APBB1: variants seen among roughly 807,000 people sequenced by gnomAD.
APBB1 encodes amyloid beta precursor protein binding family B member 1.
A neutral mutation model predicts 78.4 loss-of-function variants in APBB1; 22 were observed. The observed-to-expected ratio is 0.28, with a 90% CI of 0.20 to 0.40. The LOEUF (loss-of-function observed/expected upper bound fraction) is 0.40. Ranked by LOEUF, APBB1 falls within the 10% of genes least tolerant of loss-of-function variation. APBB1 has a pLI of 1.00. For missense variants in APBB1, 749 were observed against 932.4 expected, an observed-to-expected ratio of 0.80 and a Z score of 2.56; for synonymous variants, 369 against 372.7, an observed-to-expected ratio of 0.99 and a Z score of 0.12.
rs374571987 is a variant in APBB1 at position 6,403,595 on chromosome 11, G to A, written c.898-51C>T. ...GTGAGTGTCCTATCCTACTCCAGCAGCACACACTCCCTCCACCCCTGGCCC... is the reference window on the plus strand; with the variant it reads ...GTGAGTGTCCTATCCTACTCCAGCAACACACACTCCCTCCACCCCTGGCCC... On this transcript the variant is annotated intron_variant, in intron 3 of 14. Coordinates refer to ENST00000609360, the MANE Select transcript of APBB1 (RefSeq NM_001164.5). The surrounding 1 kb of genome is among the most constrained non-coding windows in gnomAD (Gnocchi z 5.3). 2 of 1,613,572 alleles carry A rather than the reference G, an allele frequency of 1.2e-6. No individual in the cohort carries two copies. Among genetic ancestry groups the A allele is most frequent in the East Asian group, 2.2e-5 (1 of 44,878 alleles).
chr11:6,413,151 C>T (rs1434794988), intron 1 of APBB1, among the ~76,000 whole-genome samples: 1 of 152,120 alleles, frequency 6.6e-6, no homozygotes. Flanking sequence ...CCCTGACCAA[C>T]CACTGCCCAC....
chr11:6,409,162 T>C (rs1335810744), intron 2 of APBB1, among the ~76,000 whole-genome samples: 1 of 152,130 alleles, frequency 6.6e-6, no homozygotes, highest in East Asian at 1.9e-4. Flanking sequence ...CTCGACTTTC[T>C]TGGGTTCGGA....
Position 6,403,577 on chromosome 11 carries a change from T to C in APBB1, c.898-33A>G, listed in dbSNP as rs770767032. ...GAGGGATGGGAGTAGTGAGTGAGTG[T>C]CCTATCCTACTCCAGCAGCACACAC... On this transcript the variant is annotated intron_variant, in intron 3 of 14. Transcript: ENST00000609360. The surrounding 1 kb of genome is among the most constrained non-coding windows in gnomAD (Gnocchi z 5.3). 6.8e-6 allele frequency: 11 copies of C among 1,613,594 alleles called. No individual in the cohort carries two copies. The highest frequency in any genetic ancestry group is 8.5e-6 in the Non-Finnish European group (10 of 1,179,656).
intron 2 of APBB1, among the ~76,000 whole-genome samples, chr11:6,410,287 T>C (rs1449171092): frequency 6.6e-6 from 1 of 152,218 alleles, no homozygotes; most frequent in Non-Finnish European, 1.5e-5. Context: ...ATCTGTAATA[T>C]GGGAATCATC....
intron 2 of APBB1, among the ~76,000 whole-genome samples, chr11:6,409,651 C>A (rs577980572): frequency 6.8e-6 from 1 of 146,308 alleles, no homozygotes; most frequent in Non-Finnish European, 1.5e-5. Context: ...GGTATTGTGT[C>A]CGCCACCTGG....
intron 2 of APBB1, among the ~76,000 whole-genome samples, chr11:6,406,394 T>C (rs1848800684): frequency 6.9e-6 from 1 of 144,226 alleles, no homozygotes; most frequent in Non-Finnish European, 1.5e-5. Context: ...GGCTACTAGC[T>C]TTTTTTTTTT....
chr11:6,399,894 C>A (rs1288000620), intron 12 of APBB1, among the ~76,000 whole-genome samples: 2 of 151,874 alleles, frequency 1.3e-5, no homozygotes, highest in Admixed American at 6.6e-5. Context: ...TCCCCCATCC[C>A]ACCCCCACCT....
rs1431313314 is a variant in APBB1, at chr11:6,403,407, T to C, written c.955-3A>G. 3.1e-6 allele frequency: 5 copies of C among 1,614,084 alleles called. No homozygotes were observed. The highest frequency in any genetic ancestry group is 1.1e-5 in the South Asian group (1 of 91,096). On this transcript the variant is annotated splice_region_variant and splice_polypyrimidine_tract_variant and intron_variant, in intron 4 of 14. Transcript: ENST00000609360. The surrounding 1 kb of genome is among the most constrained non-coding windows in gnomAD (Gnocchi z 5.3). ...GGGGCCTCATCACTGGGTTCATCCT[T>C]GGGAAGGGGATTGAGGAATCAGTAT...
Position 6,401,121 on chromosome 11 carries a change from C to G in APBB1, c.1589-49G>C, listed in dbSNP as rs764159848. On this transcript the variant is annotated intron_variant, in intron 11 of 14. Transcript: ENST00000609360. This position sits in a 1 kb window ranked among gnomAD's most constrained non-coding sequence, Gnocchi z 4.5. ...ATCATGGTGGCAGACCTTGCTCACC[C>G]GCAGCCCCACCAGCAGGGCATAAGC... The G allele has an allele frequency of 1.9e-6, 3 of 1,614,046 alleles. No homozygotes were observed.
intron 2 of APBB1, 45 bp downstream of exon 2, chr11:6,410,582 G>A (rs781284508): frequency 2.8e-5 from 41 of 1,486,226 alleles, no homozygotes; most frequent in Middle Eastern, 1.9e-4. Context: ...CCTAACCTCT[G>A]CCCTCACACC....
chr11:6,411,318 C>G lies in APBB1; in HGVS notation c.30G>C (p.Ser10=). Residue 10 remains serine (S), a synonymous_variant, in exon 2 of 15, where the codon TCG becomes TCC. Transcript: ENST00000609360. The surrounding 1 kb of genome is among the most constrained non-coding windows in gnomAD (Gnocchi z 5.2). The stretch of plus-strand genomic sequence containing the variant: ...CTCCGTGGCTGTTGGCATTAATGGC[C>G]GACTGGCTCAGTGATGATGGAACAG... MSVPSSLSQ[S]AINANSHGGP... The G allele has an allele frequency of 2.6e-6, 4 of 1,552,736 alleles. No homozygotes were observed. Among genetic ancestry groups the G allele is most frequent in the Non-Finnish European group, 3.5e-6 (4 of 1,150,232 alleles).
Position 6,395,180 on chromosome 11 carries a change from A to AG in APBB1, c.*353dup, listed in dbSNP as rs530932169. ...AATACAGCAGAGGTGCCCATGGAGC[A>AG]GGGGGAAGGGACCCATGCCTGGACC... On this transcript the variant is annotated 3_prime_UTR_variant, in exon 15 of 15. Transcript: ENST00000609360. This position sits in a 1 kb window ranked among gnomAD's most constrained non-coding sequence, Gnocchi z 5.2. 5.7e-4 allele frequency: 143 copies of AG among 250,282 alleles called. No individual in the cohort carries two copies. Among genetic ancestry groups the AG allele is most frequent in the African/African-American group, 3.1e-3 (140 of 44,646 alleles). 15.5% of individuals were successfully genotyped at this position (250,282 alleles called of 1,614,324 possible).
At chr11:6,404,866 C>T (rs917614158) in intron 2 of APBB1, 2 of 1,528,398 alleles carry the variant, frequency 1.3e-6, no homozygotes, top group South Asian at 1.2e-5. Context: ...GCCAGCTGGG[C>T]TCACAGCCTG....
chr11:6,395,943 T>G lies in APBB1; in HGVS notation c.1808A>C (p.Glu603Ala), dbSNP rs1225267579. Residue 603 changes from glutamate to alanine, a missense_variant, in exon 14 of 15, where the codon GAG becomes GCG. This residue lies in a region of APBB1 where 18 missense variants were observed against 51.4 expected (regional missense o/e 0.35). Transcript: ENST00000609360. This position sits in a 1 kb window ranked among gnomAD's most constrained non-coding sequence, Gnocchi z 5.2. ...GAAGGAGAGGAAACGCACCCGACAC[T>G]CTCCCAGCACTGCCTCTGTCTGCAT... ...LHQQTEAVLG[E>A]CRVRFLSFLA... 6.2e-7 allele frequency: 1 copy of G among 1,613,830 alleles called. No homozygotes were observed. The highest frequency in any genetic ancestry group is 1.1e-5 in the South Asian group (1 of 91,078).
rs1848895534 is a variant in APBB1 at position 6,409,157 on chromosome 11, C to CT, written c.721+1469dup. ...CAATCATGGCTCACTGTAGTCTCGA[C>CT]TTTCTTGGGTTCGGATGATCCTCTC... On this transcript the variant is annotated intron_variant, in intron 2 of 14. Transcript: ENST00000609360. Among the ~76,000 whole-genome samples the CT allele has an allele frequency of 2.0e-5, 3 of 152,098 alleles. No homozygotes were observed. In the South Asian group the frequency reaches 6.2e-4, roughly 32 times the overall value.
At position 6,395,583 on chromosome 11, in the gene APBB1, G is replaced by A. The variant is rs374186284; in HGVS notation, c.2084C>T (p.Ser695Leu). The A allele has an allele frequency of 1.9e-5, 30 of 1,583,808 alleles. No individual in the cohort carries two copies. Among genetic ancestry groups the A allele is most frequent in the South Asian group, 5.7e-5 (5 of 87,788 alleles). The change falls in exon 15 of 15, where the codon TCG becomes TTG. Residue 695 changes from serine to leucine, a missense_variant. Coordinates refer to ENST00000609360, the MANE Select transcript of APBB1 (RefSeq NM_001164.5). This position sits in a 1 kb window ranked among gnomAD's most constrained non-coding sequence, Gnocchi z 5.2. Reference sequence around the variant, plus strand: ...TTTGGGCTTCAGGGAGCCCCACAGCGACTGAACACCCCTGCGGACAGTCCA... The same window carrying A: ...TTTGGGCTTCAGGGAGCCCCACAGCAACTGAACACCCCTGCGGACAGTCCA... ...VGWTVRRGVQ[S>L]LWGSLKPKRL...
intron 2 of APBB1, among the ~76,000 whole-genome samples, chr11:6,409,216 G>T (rs1412783209): frequency 1.3e-5 from 2 of 152,006 alleles, no homozygotes; most frequent in South Asian, 4.2e-4. Flanking sequence ...GACCACAGTG[G>T]CTGATGCCTC....
intron 12 of APBB1, among the ~76,000 whole-genome samples, chr11:6,399,632 C>G (rs1238095845): frequency 3.9e-5 from 6 of 152,208 alleles, no homozygotes; most frequent in Non-Finnish European, 8.8e-5. Flanking sequence ...TCCACCTCCA[C>G]CCACTTAACA....
Position 6,402,099 on chromosome 11 carries a change from G to A in APBB1, c.1365C>T (p.Val455=), listed in dbSNP as rs112950058. ...ATTCCCACCTTCCACTGTCCCGCCCGACGCCCCACACGCGGATGCTGATGA... is the reference window on the plus strand; with the variant it reads ...ATTCCCACCTTCCACTGTCCCGCCCAACGCCCCACACGCGGATGCTGATGA... ...QPIISIRVWG[V]GRDSGRERDF... is the part of the protein sequence containing the mutation. Residue 455 remains valine (V), a synonymous_variant, in exon 8 of 15, where the codon GTC becomes GTT. Transcript: ENST00000609360. 36 of 1,613,986 alleles carry A rather than the reference G, an allele frequency of 2.2e-5. No individual in the cohort carries two copies. The highest frequency in any genetic ancestry group is 2.0e-4 in the African/African-American group (15 of 75,016).
Sources: gnomAD v4.1 joint callset for allele counts (sites outside exome capture counted in the v4.1 genomes callset) on GRCh38, gnomAD v4.1.1 for gene constraint, gnomAD v4.1.1 regional missense constraint, Gnocchi (gnomAD v3.1) non-coding constraint, MANE v1.5 for transcripts, NCBI Gene and HGNC (gene_info 2026-07-23, HGNC 2026-07-21) for gene names.